TAFA5: variants seen among roughly 807,000 people sequenced by gnomAD.
The protein encoded by TAFA5 is TAFA chemokine like family member 5.
In TAFA5, 6 loss-of-function variants were observed where a neutral mutation model predicts 15.3. That is an observed-to-expected ratio of 0.39 (90% CI 0.21 to 0.77). The LOEUF (loss-of-function observed/expected upper bound fraction) is 0.77, where lower values mean the gene tolerates loss of function less well. TAFA5 is among the 30% of genes least tolerant of loss of function. The pLI is 0.41. For missense variants in TAFA5, 161 were observed against 193.1 expected, an observed-to-expected ratio of 0.83 and a Z score of 0.98; for synonymous variants, 103 against 80.7, an observed-to-expected ratio of 1.28 and a Z score of -1.48.
chr22:48,676,173 C>G (rs930107569), intron 2 of TAFA5, among the ~76,000 whole-genome samples: 1 of 152,264 alleles, frequency 6.6e-6, no homozygotes, highest in African/African-American at 2.4e-5. Flanking sequence ...CCTGCCCAGT[C>G]AAAGGAACCA....
At chr22:48,564,652 C>A (rs1021677394) in intron 1 of TAFA5, among the ~76,000 whole-genome samples, 4 of 152,192 alleles carry the variant, frequency 2.6e-5, no homozygotes, top group Admixed American at 2.6e-4. Flanking sequence ...TAGTTGAGGG[C>A]CACTCCTCAT....
intron 2 of TAFA5, among the ~76,000 whole-genome samples, chr22:48,687,108 A>T (rs139813162): frequency 2.0e-3 from 304 of 149,898 alleles, no homozygotes; most frequent in African/African-American, 6.5e-3. Context: ...GTGATGGTGG[A>T]TGGATGTTTG....
At chr22:48,630,557 C>G (rs1926184085) in intron 1 of TAFA5, among the ~76,000 whole-genome samples, 1 of 152,188 alleles carries the variant, frequency 6.6e-6, no homozygotes, top group Non-Finnish European at 1.5e-5. Context: ...GCCACGCCTT[C>G]TTACTACACA....
intron 1 of TAFA5, among the ~76,000 whole-genome samples, chr22:48,518,359 C>A (rs906619017): frequency 6.6e-6 from 1 of 152,204 alleles, no homozygotes; most frequent in Admixed American, 6.5e-5. Context: ...GCTAGAAGTC[C>A]TTCCAGGCCT....
chr22:48,522,073 A>G (rs1921620558), intron 1 of TAFA5, among the ~76,000 whole-genome samples: 1 of 152,232 alleles, frequency 6.6e-6, no homozygotes, highest in Non-Finnish European at 1.5e-5. Flanking sequence ...CTTGTCTGCA[A>G]GTAACGGAAC....
At chr22:48,667,225 G>A (rs1272962587) in intron 2 of TAFA5, among the ~76,000 whole-genome samples, 4 of 139,344 alleles carry the variant, frequency 2.9e-5, no homozygotes, top group African/African-American at 7.9e-5. Context: ...GAGCCCGCCC[G>A]CCCTCCCCAG....
intron 1 of TAFA5, among the ~76,000 whole-genome samples, chr22:48,593,771 T>G (rs1924661596): frequency 6.6e-6 from 1 of 152,034 alleles, no homozygotes; most frequent in Non-Finnish European, 1.5e-5. Context: ...GGCCTCCACT[T>G]CCCGATCTGT....
chr22:48,628,732 C>T (rs1014437976), intron 1 of TAFA5, among the ~76,000 whole-genome samples: 57 of 152,336 alleles, frequency 3.7e-4, no homozygotes, highest in African/African-American at 1.3e-3. Context: ...GATTTTAGGC[C>T]CCTTCGTAGG....
At position 48,629,121 on chromosome 22, in the gene TAFA5, G is replaced by A. The variant is rs540792576; in HGVS notation, c.113-17476G>A. Among the ~76,000 whole-genome samples the A allele has an allele frequency of 2.0e-5, 3 of 152,290 alleles. No individual in the cohort carries two copies. The East Asian group carries it at 5.8e-4, about 29-fold the overall frequency. On this transcript the variant is annotated intron_variant, in intron 1 of 3. Transcript: ENST00000402357. ...GGACCCACCAGACGGGTGCTCTGGGGCCCCAGCGGCTCCCCTCGAGGTGGA... is the reference window on the plus strand; with the variant it reads ...GGACCCACCAGACGGGTGCTCTGGGACCCCAGCGGCTCCCCTCGAGGTGGA...
chr22:48,633,113 C>T (rs932404843), intron 1 of TAFA5, among the ~76,000 whole-genome samples: 13 of 152,130 alleles, frequency 8.5e-5, no homozygotes, highest in African/African-American at 2.4e-5. Context: ...ACAGGGTCTC[C>T]CAGCAGCCCG....
intron 2 of TAFA5, among the ~76,000 whole-genome samples, chr22:48,667,236 C>T (rs1197816699): frequency 6.6e-6 from 1 of 151,812 alleles, no homozygotes; most frequent in Admixed American, 6.5e-5. Context: ...CCCTCCCCAG[C>T]CAGCCCCGCA....
chr22:48,684,755 C>T (rs561340801), intron 2 of TAFA5, among the ~76,000 whole-genome samples: 40 of 152,256 alleles, frequency 2.6e-4, no homozygotes, highest in African/African-American at 8.4e-4. Context: ...CTGAGAACTC[C>T]AATTCCTTGG....
intron 1 of TAFA5, among the ~76,000 whole-genome samples, chr22:48,535,781 G>C (rs12484647): frequency 6.9e-6 from 1 of 145,436 alleles, no homozygotes; most frequent in South Asian, 2.2e-4. Context: ...GCACTCATGC[G>C]TGTGTGCACA....
intron 1 of TAFA5, among the ~76,000 whole-genome samples, chr22:48,531,989 G>T (rs1187737011): frequency 6.6e-6 from 1 of 152,224 alleles, no homozygotes; most frequent in Non-Finnish European, 1.5e-5. Context: ...GTCTGATTCT[G>T]CAGCTGAGCT....
chr22:48,576,453 G>T, intron 1 of TAFA5: 1 of 1,385,730 alleles, frequency 7.2e-7, no homozygotes. Flanking sequence ...CGCGACTTCG[G>T]GGGCGTCGGC....
intron 2 of TAFA5, among the ~76,000 whole-genome samples, chr22:48,676,381 T>G (rs1927971248): frequency 6.6e-6 from 1 of 152,130 alleles, no homozygotes; most frequent in African/African-American, 2.4e-5. Context: ...GACATGCCTC[T>G]TAGGGTGTGG....
chr22:48,699,884 G>A (rs1928849474), intron 2 of TAFA5, among the ~76,000 whole-genome samples: 1 of 152,142 alleles, frequency 6.6e-6, no homozygotes, highest in Non-Finnish European at 1.5e-5. Flanking sequence ...GTGGCCCTGG[G>A]TGCACCACCC....
intron 3 of TAFA5, among the ~76,000 whole-genome samples, chr22:48,716,674 T>C (rs1226737976): frequency 2.6e-5 from 4 of 152,214 alleles, no homozygotes; most frequent in Admixed American, 2.0e-4. Context: ...ATCCCAGAAC[T>C]GAAAGTAAAA....
chr22:48,506,753 A>G (rs1921007419), intron 1 of TAFA5, among the ~76,000 whole-genome samples: 1 of 152,092 alleles, frequency 6.6e-6, no homozygotes, highest in Admixed American at 6.5e-5. Context: ...CTTAGCAGTG[A>G]CCTCTTCCGG....
Sources: allele counts gnomAD v4.1 joint callset (sites outside exome capture counted in the v4.1 genomes callset), GRCh38; gene constraint gnomAD v4.1.1; transcripts MANE v1.5; gene names NCBI Gene and HGNC (gene_info 2026-07-23, HGNC 2026-07-21).